The following ZSWIM8 variants were observed in gnomAD, a reference collection of about 807,000 sequenced individuals.
ZSWIM8 encodes the protein zinc finger SWIM-type containing 8.
A neutral mutation model predicts 173.7 loss-of-function variants in ZSWIM8; 27 were observed. That is an observed-to-expected ratio of 0.16 (90% CI 0.11 to 0.21). The LOEUF is 0.21. Ranked by LOEUF, ZSWIM8 falls within the 10% of genes least tolerant of loss-of-function variation. The pLI, the probability that ZSWIM8 is intolerant of heterozygous loss-of-function variation, is 1.00. For synonymous variants in ZSWIM8, 958 were observed against 962.0 expected, an observed-to-expected ratio of 1.00 and a Z score of 0.08; for missense variants, 1,627 against 2,428.8, an observed-to-expected ratio of 0.67 and a Z score of 6.94.
In ZSWIM8 at chr10:73,801,438, C is replaced by G; in HGVS notation, c.5424C>G (p.Ile1808Met). 1 of 1,613,982 alleles carries G rather than the reference C, an allele frequency of 6.2e-7. No individual in the cohort carries two copies. Among genetic ancestry groups the G allele is most frequent in the Non-Finnish European group, 8.5e-7 (1 of 1,179,882 alleles). Residue 1808 changes from isoleucine (I) to methionine (M), a missense_variant, in exon 26 of 26, where the codon ATC becomes ATG. By Grantham distance (10) the Ile-to-Met change is conservative. Coordinates refer to ENST00000604729, the MANE Select transcript of ZSWIM8 (RefSeq NM_001367799.1). This position sits in a 1 kb window ranked among gnomAD's most constrained non-coding sequence, Gnocchi z 4.9. ...TGGGCATGATGCAGTTCAACGACATCCTACAGAACCTCAAGCGCAGCAAAC... is the reference window on the plus strand; with the variant it reads ...TGGGCATGATGCAGTTCAACGACATGCTACAGAACCTCAAGCGCAGCAAAC... ...TPMGMMQFND[I>M]LQNLKRSKQT...
In ZSWIM8 at chr10:73,788,713, G is replaced by C. The variant is rs2083309424; in HGVS notation, c.252G>C (p.Val84=). Residue 84 remains valine (V), a synonymous_variant, in exon 2 of 26, where the codon GTG becomes GTC. Transcript: ENST00000604729. ...IPLVELSAKQ[V]AFHIPFEVVE... is the part of the protein sequence containing the mutation. ...TGGTGGAGCTGTCAGCAAAGCAGGT[G>C]GCATTTCATATCCCATTTGAAGTGG... The C allele has an allele frequency of 6.2e-7, 1 of 1,613,898 alleles. No individual in the cohort carries two copies. Among genetic ancestry groups the C allele is most frequent in the Non-Finnish European group, 8.5e-7 (1 of 1,179,910 alleles).
rs1200549166 is a variant in ZSWIM8 at position 73,800,627 on chromosome 10, A to G, written c.5003-13A>G. Reference sequence around the variant, plus strand: ...TACACCGTACCATGTGCCCACCCTTATCTATCTCCCAGGAATGCTGGCACT... The same window carrying G: ...TACACCGTACCATGTGCCCACCCTTGTCTATCTCCCAGGAATGCTGGCACT... On this transcript the variant is annotated splice_polypyrimidine_tract_variant and intron_variant, in intron 23 of 25. Transcript: ENST00000604729. The surrounding 1 kb of genome is among the most constrained non-coding windows in gnomAD (Gnocchi z 4.1). The G allele has an allele frequency of 1.2e-6, 2 of 1,613,216 alleles. No individual in the cohort carries two copies. The highest frequency in any genetic ancestry group is 1.7e-6 in the Non-Finnish European group (2 of 1,179,440).
rs972665576 is a variant in ZSWIM8 at position 73,801,351 on chromosome 10, G to A, written c.5337G>A (p.Ala1779=). The A allele has an allele frequency of 9.9e-6, 16 of 1,613,836 alleles. No individual in the cohort carries two copies. In the Admixed American group the frequency reaches 1.0e-4, roughly 10 times the overall value. ...ACCGCTTGATTCACCTGACTCCTGC[G>A]GACTACGACGACTTTGTGAATGCGA... The part of the protein sequence containing the change: ...IHHRLIHLTP[A]DYDDFVNAIR... Residue 1779 remains alanine, a synonymous_variant, in exon 26 of 26, where the codon GCG becomes GCA. Coordinates refer to ENST00000604729, the MANE Select transcript of ZSWIM8 (RefSeq NM_001367799.1). The surrounding 1 kb of genome is among the most constrained non-coding windows in gnomAD (Gnocchi z 4.9).
intron 14 of ZSWIM8, 154 bp downstream of exon 14, chr10:73,794,793 A>G: frequency 3.2e-6 from 2 of 625,790 alleles, no homozygotes; most frequent in African/African-American, 3.7e-5. Flanking sequence ...CAGGGCAAAA[A>G]TGTGTGCTAT....
rs1441619896 is a variant in ZSWIM8 at position 73,793,945 on chromosome 10, A to G, written c.2526A>G (p.Thr842=). The G allele has an allele frequency of 6.2e-7, 1 of 1,613,554 alleles. No individual in the cohort carries two copies. Among genetic ancestry groups the G allele is most frequent in the Admixed American group, 1.7e-5 (1 of 59,952 alleles). ...TGAGCAAGGCGGCCTTCCTGTTGAC[A>G]GTGCTAAGTGAGCGTCCAGAGCACC... ...NTLSKAAFLL[T]VLSERPEHHN... is the part of the protein sequence containing the mutation. The change falls in exon 12 of 26, where the codon ACA becomes ACG. Residue 842 remains threonine (T), a synonymous_variant. Transcript: ENST00000604729.
Position 73,800,774 on chromosome 10 carries a change from C to T in ZSWIM8, c.5122+15C>T. Reference sequence around the variant, plus strand: ...AGCAAAGCTGGGTAACACCTCCCCTCCCTAGGACCATTGCCCCCCCCCCAC... The same window carrying T: ...AGCAAAGCTGGGTAACACCTCCCCTTCCTAGGACCATTGCCCCCCCCCCAC... On this transcript the variant is annotated intron_variant, in intron 24 of 25. Coordinates refer to ENST00000604729, the MANE Select transcript of ZSWIM8 (RefSeq NM_001367799.1). This position sits in a 1 kb window ranked among gnomAD's most constrained non-coding sequence, Gnocchi z 4.1. 3 of 1,596,496 alleles carry T rather than the reference C, an allele frequency of 1.9e-6. No homozygotes were observed. The highest frequency in any genetic ancestry group is 2.6e-6 in the Non-Finnish European group (3 of 1,168,724).
chr10:73,797,402 C>T lies in ZSWIM8; in HGVS notation c.3459C>T (p.Ala1153=). The T allele has an allele frequency of 1.2e-6, 2 of 1,613,904 alleles. No individual in the cohort carries two copies. Among genetic ancestry groups the T allele is most frequent in the Non-Finnish European group, 1.7e-6 (2 of 1,179,834 alleles). ...HTGMASIDSS[A]PETTSDSSPT... is the part of the protein sequence containing the mutation. ...GCATGGCCAGCATTGACAGCAGTGCCCCTGAAACAACATCGGATAGTTCCC... is the reference window on the plus strand; with the variant it reads ...GCATGGCCAGCATTGACAGCAGTGCTCCTGAAACAACATCGGATAGTTCCC... Residue 1153 remains alanine, a synonymous_variant, in exon 18 of 26, where the codon GCC becomes GCT. Transcript: ENST00000604729. The surrounding 1 kb of genome is among the most constrained non-coding windows in gnomAD (Gnocchi z 5.6).
rs768783805 is a variant in ZSWIM8, at chr10:73,797,119, C to G, written c.3281C>G (p.Ser1094Cys). 1.9e-6 allele frequency: 3 copies of G among 1,613,354 alleles called. No homozygotes were observed. In the African/African-American group the frequency reaches 4.0e-5, roughly 22 times the overall value. The change falls in exon 17 of 26, where the codon TCC becomes TGC. Residue 1094 changes from serine to cysteine, a missense_variant. Ser to Cys is a moderately radical substitution (Grantham distance 112, BLOSUM62 -1). Transcript: ENST00000604729. The surrounding 1 kb of genome is among the most constrained non-coding windows in gnomAD (Gnocchi z 5.6). ...TCCTGTTTTCCTCACCTAGAGAGTT[C>G]CCCACATTCCCCCTGTGAGGGTCTT... is the stretch of plus-strand genomic sequence containing the variant. ...GFTEKNVPES[S>C]PHSPCEGLPS...
intron 7 of ZSWIM8, among the ~76,000 whole-genome samples, chr10:73,790,533 G>A (rs1193501703): frequency 6.6e-6 from 1 of 152,154 alleles, no homozygotes; most frequent in East Asian, 1.9e-4. Context: ...ATCAGGAAAT[G>A]GAAACAGAGA....
In ZSWIM8 at chr10:73,797,675, A is replaced by G. The variant is rs1026146883; in HGVS notation, c.3662+70A>G. ...CAGAGCCACACCCCTAGTGCAATCC[A>G]ACCATTGTCTCCCAGCATCCTCACT... On this transcript the variant is annotated intron_variant, in intron 18 of 25. Transcript: ENST00000604729. This position sits in a 1 kb window ranked among gnomAD's most constrained non-coding sequence, Gnocchi z 5.6. The G allele has an allele frequency of 1.9e-5, 30 of 1,576,812 alleles. No individual in the cohort carries two copies. The African/African-American group carries it at 3.8e-4, about 20-fold the overall frequency.
Position 73,792,086 on chromosome 10 carries a change from C to T in ZSWIM8, c.1547C>T (p.Pro516Leu). 6.5e-7 allele frequency: 1 copy of T among 1,532,878 alleles called. No individual in the cohort carries two copies. Among genetic ancestry groups the T allele is most frequent in the Non-Finnish European group, 8.8e-7 (1 of 1,133,796 alleles). The allele number at this position is 1,532,878 out of a possible 1,614,324, so 95.0% of individuals were successfully genotyped here. Residue 516 changes from proline (P) to leucine (L), a missense_variant, in exon 10 of 26, where the codon CCA (proline) becomes CTA (leucine). Transcript: ENST00000604729. This position sits in a 1 kb window ranked among gnomAD's most constrained non-coding sequence, Gnocchi z 4.3. ...LCWARALPSRPGASRSGGLEE... is the reference protein window; with the variant it reads ...LCWARALPSRLGASRSGGLEE... ...TGGGCCCGGGCCCTGCCCTCTCGGC[C>T]AGGTGCCTCCCGCTCTGGGGGCCTG... is the stretch of plus-strand genomic sequence containing the variant.
chr10:73,790,942 C>T, intron 7 of ZSWIM8, 33 bp from the exon 8 acceptor site: 1 of 1,583,898 alleles, frequency 6.3e-7, no homozygotes, highest in South Asian at 1.1e-5. Context: ...CCCCGTCTTA[C>T]TGTCATGGTT....
At chr10:73,788,227 T>G (rs2083291135) in intron 1 of ZSWIM8, among the ~76,000 whole-genome samples, 2 of 139,706 alleles carry the variant, frequency 1.4e-5, no homozygotes, top group Admixed American at 7.3e-5. Context: ...TCATCTAGAG[T>G]AAAAGGGATG....
Position 73,800,072 on chromosome 10 carries a change from C to T in ZSWIM8, c.4727C>T (p.Ala1576Val), listed in dbSNP as rs1466727300. 2 of 1,613,880 alleles carry T rather than the reference C, an allele frequency of 1.2e-6. No individual in the cohort carries two copies. Among genetic ancestry groups the T allele is most frequent in the Non-Finnish European group, 8.5e-7 (1 of 1,179,842 alleles). Residue 1576 changes from alanine to valine, a missense_variant, in exon 22 of 26, where the codon GCT becomes GTT. Ala to Val is a moderately conservative substitution (Grantham distance 64). Around this residue, in one of 18 missense-constraint regions of ZSWIM8, gnomAD observed 275 missense variants for 290.1 expected, o/e 0.95. Coordinates refer to ENST00000604729, the MANE Select transcript of ZSWIM8 (RefSeq NM_001367799.1). The surrounding 1 kb of genome is among the most constrained non-coding windows in gnomAD (Gnocchi z 4.1). ...TATTCAGTGACTCCTCCCTCACTTG[C>T]TGCCACTGCTGTGTCTTTCCCCGTT... The part of the protein sequence containing the change: ...YPYSVTPPSL[A>V]ATAVSFPVPS...
chr10:73,793,755 A>G, intron 11 of ZSWIM8, 36 bp downstream of exon 11: 1 of 842,546 alleles, frequency 1.2e-6, no homozygotes, highest in Non-Finnish European at 1.5e-6. Flanking sequence ...CCCCTCCCCC[A>G]CTTACCCCCA....
At chr10:73,790,417 C>A (rs2083375793) in intron 7 of ZSWIM8, 125 bp downstream of exon 7, 1 of 1,374,246 alleles carries the variant, frequency 7.3e-7, no homozygotes, top group Non-Finnish European at 9.8e-7. Context: ...TGGCACAGTG[C>A]CTGGCACACA....
chr10:73,800,083 G>A lies in ZSWIM8; in HGVS notation c.4738G>A (p.Val1580Met). ...VTPPSLAATA[V>M]SFPVPSMAPI... ...TCCTCCCTCACTTGCTGCCACTGCT[G>A]TGTCTTTCCCCGTTCCTTCCATGGC... Residue 1580 changes from valine (V) to methionine (M), a missense_variant, in exon 22 of 26, where the codon GTG becomes ATG. By Grantham distance (21) the Val-to-Met change is conservative. Transcript: ENST00000604729. This position sits in a 1 kb window ranked among gnomAD's most constrained non-coding sequence, Gnocchi z 4.1. The A allele has an allele frequency of 6.2e-7, 1 of 1,613,844 alleles. No individual in the cohort carries two copies.
At position 73,785,660 on chromosome 10, in the gene ZSWIM8, G is replaced by C. The variant is rs760984400; in HGVS notation, c.-219G>C. 1 of 628,490 alleles carries C rather than the reference G, an allele frequency of 1.6e-6. No homozygotes were observed. The highest frequency in any genetic ancestry group is 3.0e-6 in the Non-Finnish European group (1 of 336,630). 38.9% of individuals were successfully genotyped at this position (628,490 alleles called of 1,614,324 possible). The stretch of plus-strand genomic sequence containing the variant: ...CTTCGTCCCGGCCCTAAGTCTCGGA[G>C]ACTGGCCAAGATCACCGCTTGCACC... On this transcript the variant is annotated 5_prime_UTR_variant, in exon 1 of 26. Coordinates refer to ENST00000604729, the MANE Select transcript of ZSWIM8 (RefSeq NM_001367799.1).
Position 73,800,385 on chromosome 10 carries a change from G to C in ZSWIM8, c.4915G>C (p.Gly1639Arg). The change falls in exon 23 of 26, where the codon GGA becomes CGA. Residue 1639 changes from glycine to arginine, a missense_variant. By Grantham distance (125) the Gly-to-Arg change is moderately radical. Coordinates refer to ENST00000604729, the MANE Select transcript of ZSWIM8 (RefSeq NM_001367799.1). The surrounding 1 kb of genome is among the most constrained non-coding windows in gnomAD (Gnocchi z 4.1). ...CACACAGCCCAGCCCTCTGGTGAGC[G>C]GAGGTTTTCCACCGCCCGAGGAGGA... ...LTTQPSPLVS[G>R]GFPPPEEETH... The C allele has an allele frequency of 6.2e-7, 1 of 1,613,882 alleles. No individual in the cohort carries two copies. The highest frequency in any genetic ancestry group is 8.5e-7 in the Non-Finnish European group (1 of 1,179,868).
Sources: allele counts gnomAD v4.1 joint callset (sites outside exome capture counted in the v4.1 genomes callset), GRCh38; gene constraint gnomAD v4.1.1; regional missense constraint gnomAD v4.1.1; non-coding constraint Gnocchi (gnomAD v3.1); transcripts MANE v1.5; gene names NCBI Gene and HGNC (gene_info 2026-07-23, HGNC 2026-07-21).